Variants in AGO2 observed in about 807,000 individuals in gnomAD.
The protein encoded by AGO2 is argonaute RISC catalytic component 2.
AGO2 carries 5 observed loss-of-function variants against 102.3 expected under a neutral mutation model. The observed-to-expected ratio is 0.05, with a 90% CI of 0.03 to 0.10. AGO2 has a LOEUF of 0.10. Among genes scored for constraint, AGO2 ranks in the 10% least tolerant of loss-of-function variants. The probability of loss-of-function intolerance (pLI) is 1.00; values close to 1 mark genes in which losing one functional copy is unlikely to be tolerated. For synonymous variants in AGO2, 449 were observed against 473.1 expected, an observed-to-expected ratio of 0.95 and a Z score of 0.66; for missense variants, 541 against 1,183.7, an observed-to-expected ratio of 0.46 and a Z score of 7.97.
In AGO2 at chr8:140,586,473, G is replaced by A. The variant is rs186726150; in HGVS notation, c.23-1162C>T. Among the ~76,000 whole-genome samples, 695 of 152,270 alleles carry A rather than the reference G, an allele frequency of 4.6e-3. 27 individuals carry two copies. The highest frequency in any genetic ancestry group is 0.042 in the Admixed American group (634 of 15,272). Reference sequence around the variant, plus strand: ...TGCACTCCAGCCTGGGTGACAGAGCGAGACTCCATCTCTAAATAAATAAAC... The same window carrying A: ...TGCACTCCAGCCTGGGTGACAGAGCAAGACTCCATCTCTAAATAAATAAAC... On this transcript the variant is annotated intron_variant, in intron 1 of 18. Transcript: ENST00000220592.
intron 10 of AGO2, among the ~76,000 whole-genome samples, chr8:140,552,673 T>TGC (rs1413908070): frequency 6.6e-6 from 1 of 150,862 alleles, no homozygotes; most frequent in East Asian, 2.0e-4. Context: ...AGACAGGGAG[T>TGC]GCACACACAC....
At chr8:140,610,342 C>T (rs1309742223) in intron 1 of AGO2, among the ~76,000 whole-genome samples, 4 of 152,060 alleles carry the variant, frequency 2.6e-5, no homozygotes, top group African/African-American at 4.8e-5. Context: ...CTCAGCCTCC[C>T]GAGTAGCTGG....
chr8:140,622,096 G>A (rs892053965), intron 1 of AGO2, among the ~76,000 whole-genome samples: 5 of 152,216 alleles, frequency 3.3e-5, no homozygotes, highest in Non-Finnish European at 5.9e-5. Flanking sequence ...GCTGCCGTGT[G>A]AACCGTGAAG....
intron 1 of AGO2, among the ~76,000 whole-genome samples, chr8:140,628,847 A>G (rs983758550): frequency 6.6e-6 from 1 of 152,098 alleles, no homozygotes; most frequent in Non-Finnish European, 1.5e-5. Flanking sequence ...GCACTTTGGG[A>G]GGCTGAGCCA....
Position 140,539,984 on chromosome 8 carries a change from G to T in AGO2, c.2035-530C>A, listed in dbSNP as rs1209986770. ...CACCTGTCGTAATCCCAGCTACTCC[G>T]GAGGCAGAGGCAGGAGAACTGCTTG... On this transcript the variant is annotated intron_variant, in intron 15 of 18. Transcript: ENST00000220592. This position sits in a 1 kb window ranked among gnomAD's most constrained non-coding sequence, Gnocchi z 4.7. 6.6e-6 allele frequency among the ~76,000 whole-genome samples: 1 copy of T among 152,188 alleles called. No individual in the cohort carries two copies. Among genetic ancestry groups the T allele is most frequent in the South Asian group, 2.1e-4 (1 of 4,834 alleles).
intron 10 of AGO2, among the ~76,000 whole-genome samples, chr8:140,554,004 C>T (rs746953909): frequency 2.6e-5 from 4 of 152,224 alleles, no homozygotes; most frequent in Non-Finnish European, 5.9e-5. Flanking sequence ...ACCCAGCCTA[C>T]AAGCTCTCTT....
chr8:140,614,475 T>C (rs1470045428), intron 1 of AGO2, among the ~76,000 whole-genome samples: 1 of 152,252 alleles, frequency 6.6e-6, no homozygotes, highest in African/African-American at 2.4e-5. Context: ...TTTGATTCCC[T>C]AATGAAGTTT....
chr8:140,593,024 A>C (rs2073766537), intron 1 of AGO2: 1 of 152,254 alleles, frequency 6.6e-6, no homozygotes. Context: ...TCAGCCATCA[A>C]ATCAGCTGAC....
chr8:140,618,784 C>A (rs1218455398), intron 1 of AGO2, among the ~76,000 whole-genome samples: 1 of 151,646 alleles, frequency 6.6e-6, no homozygotes, highest in Non-Finnish European at 1.5e-5. Context: ...TGTATTACTG[C>A]ACTCCAGCCT....
chr8:140,625,796 C>T (rs1378603382), intron 1 of AGO2, among the ~76,000 whole-genome samples: 1 of 152,216 alleles, frequency 6.6e-6, no homozygotes, highest in East Asian at 1.9e-4. Flanking sequence ...GAATGCTCTG[C>T]ACTCCTCAGG....
At chr8:140,625,599 C>T (rs949102531) in intron 1 of AGO2, among the ~76,000 whole-genome samples, 1 of 152,158 alleles carries the variant, frequency 6.6e-6, no homozygotes, top group Non-Finnish European at 1.5e-5. Context: ...CATGAACGGG[C>T]CTCACCCCCG....
rs1489710405 is a variant in AGO2 at position 140,557,945 on chromosome 8, A to G, written c.878+540T>C. ...CCTGGCAACAGGCCTGGCACTTTCC[A>G]TGGAATGATCCATGAAATAAACGAA... On this transcript the variant is annotated intron_variant, in intron 7 of 18. Transcript: ENST00000220592. The surrounding 1 kb of genome is among the most constrained non-coding windows in gnomAD (Gnocchi z 5.9). Among the ~76,000 whole-genome samples, 1 of 152,178 alleles carries G rather than the reference A, an allele frequency of 6.6e-6. No individual in the cohort carries two copies. Among genetic ancestry groups the G allele is most frequent in the Admixed American group, 6.5e-5 (1 of 15,274 alleles).
chr8:140,598,508 T>C (rs2073881656), intron 1 of AGO2, among the ~76,000 whole-genome samples: 1 of 152,220 alleles, frequency 6.6e-6, no homozygotes, highest in African/African-American at 2.4e-5. Flanking sequence ...AGTGCCTCCA[T>C]TTCCCTGTGC....
At chr8:140,537,811 T>C (rs993362280) in intron 16 of AGO2, among the ~76,000 whole-genome samples, 3 of 152,158 alleles carry the variant, frequency 2.0e-5, no homozygotes, top group African/African-American at 7.2e-5. Flanking sequence ...TTCTACTTAT[T>C]TATTTTTGGG....
rs2072546032 is a variant in AGO2, at chr8:140,528,972, T to C, written c.*3072A>G. 1 of 152,202 alleles carries C rather than the reference T, an allele frequency of 6.6e-6. No homozygotes were observed. The highest frequency in any genetic ancestry group is 2.4e-5 in the African/African-American group (1 of 41,446). The allele number at this position is 152,202 out of a possible 1,614,324, so 9.4% of individuals were successfully genotyped here. A position where few individuals can be genotyped will look rare whatever the true frequency, so the allele number is the denominator to read the frequency against. ...CATCAATGTTTTTAAAAAGTGAACA[T>C]GTAAAAACACACCAGGAAGAGTCCC... On this transcript the variant is annotated 3_prime_UTR_variant, in exon 19 of 19. Transcript: ENST00000220592. The surrounding 1 kb of genome is among the most constrained non-coding windows in gnomAD (Gnocchi z 4.5).
At chr8:140,579,491 A>C (rs1051975909) in intron 2 of AGO2, among the ~76,000 whole-genome samples, 1 of 152,086 alleles carries the variant, frequency 6.6e-6, no homozygotes, top group Non-Finnish European at 1.5e-5. Context: ...AGACACGGTA[A>C]TCATGTGCCT....
intron 5 of AGO2, 54 bp downstream of exon 5, chr8:140,560,320 C>T (rs1285184548): frequency 1.3e-6 from 2 of 1,589,866 alleles, no homozygotes; most frequent in East Asian, 4.5e-5. Context: ...GGTCCTGACC[C>T]CCCAGCCCAT....
intron 1 of AGO2, among the ~76,000 whole-genome samples, chr8:140,596,751 G>A (rs1019084209): frequency 1.3e-5 from 2 of 152,222 alleles, no homozygotes; most frequent in East Asian, 3.8e-4. Flanking sequence ...TACAGGTGAG[G>A]CAGCACGTCC....
rs536118144 is a variant in AGO2 at position 140,558,129 on chromosome 8, G to A, written c.878+356C>T. On this transcript the variant is annotated intron_variant, in intron 7 of 18. Transcript: ENST00000220592. ...CTCTTGCCGTAATGATGGGACACGC[G>A]GACTGGCCCAGGGAAGGGGGCGTGG... Among the ~76,000 whole-genome samples the A allele has an allele frequency of 8.1e-4, 124 of 152,284 alleles. 2 individuals are homozygous for A. Among genetic ancestry groups the A allele is most frequent in the Admixed American group, 1.2e-3 (18 of 15,312 alleles).
Sources: allele counts gnomAD v4.1 joint callset (sites outside exome capture counted in the v4.1 genomes callset), GRCh38; gene constraint gnomAD v4.1.1; non-coding constraint Gnocchi (gnomAD v3.1); transcripts MANE v1.5; gene names NCBI Gene and HGNC (gene_info 2026-07-23, HGNC 2026-07-21).